DOCK1: variants seen among roughly 807,000 people sequenced by gnomAD.
DOCK1 encodes dedicator of cytokinesis 1.
Under a neutral mutation model 262.7 loss-of-function variants are expected in DOCK1, and 138 were observed. That is an observed-to-expected ratio of 0.53 (90% CI 0.46 to 0.61). The LOEUF (loss-of-function observed/expected upper bound fraction) is 0.61. Among genes scored for constraint, DOCK1 ranks in the 20% least tolerant of loss-of-function variants. DOCK1 has a pLI of 0.00. For missense variants in DOCK1, 1,908 were observed against 2,370.7 expected, an observed-to-expected ratio of 0.80 and a Z score of 4.05; for synonymous variants, 866 against 867.4, an observed-to-expected ratio of 1.00 and a Z score of 0.03.
chr10:127,348,849 G>A (rs2063758116), intron 31 of DOCK1, among the ~76,000 whole-genome samples: 1 of 152,108 alleles, frequency 6.6e-6, no homozygotes, highest in Admixed American at 6.5e-5. Flanking sequence ...GTTTTGCAGC[G>A]TGACCTAATC....
At chr10:127,023,457 C>T in intron 14 of DOCK1, 133 bp downstream of exon 14, 1 of 1,262,524 alleles carries the variant, frequency 7.9e-7, no homozygotes, top group Non-Finnish European at 1.1e-6. Context: ...GGCGTTGGTT[C>T]TTGTTTCCTT....
intron 29 of DOCK1, among the ~76,000 whole-genome samples, chr10:127,316,082 A>C (rs555903409): frequency 9.9e-5 from 15 of 152,204 alleles, no homozygotes; most frequent in Non-Finnish European, 2.1e-4. Context: ...GTGTTGATAC[A>C]CGTAGTGAAG....
At chr10:127,110,437 C>A in intron 25 of DOCK1, 83 bp downstream of exon 25, 1 of 1,266,218 alleles carries the variant, frequency 7.9e-7, no homozygotes, top group Admixed American at 2.0e-5. Flanking sequence ...CTCTTCTTGA[C>A]AAAAGGAGTA....
At chr10:127,208,328 T>G (rs1455968456) in intron 27 of DOCK1, among the ~76,000 whole-genome samples, 4 of 152,194 alleles carry the variant, frequency 2.6e-5, no homozygotes, top group Non-Finnish European at 5.9e-5. Flanking sequence ...GACAAGACAA[T>G]CCTGGACAGT....
intron 29 of DOCK1, among the ~76,000 whole-genome samples, chr10:127,284,397 AT>A (rs2061073834): frequency 6.6e-6 from 1 of 152,056 alleles, no homozygotes; most frequent in Admixed American, 6.6e-5. Flanking sequence ...TTTAGGTTTT[AT>A]TATTTTATAT....
intron 1 of DOCK1, among the ~76,000 whole-genome samples, chr10:126,937,375 A>G (rs1277322552): frequency 6.6e-6 from 1 of 152,182 alleles, no homozygotes; most frequent in Non-Finnish European, 1.5e-5. Flanking sequence ...TAGGTCATAT[A>G]GTAATTCTAT....
chr10:126,909,252 A>G (rs767914420), intron 1 of DOCK1, among the ~76,000 whole-genome samples: 5 of 152,148 alleles, frequency 3.3e-5, no homozygotes, highest in Admixed American at 6.5e-5. Context: ...CCCCTAGCTA[A>G]TGATCGGCAG....
At chr10:126,918,913 C>T (rs192243517) in intron 1 of DOCK1, among the ~76,000 whole-genome samples, 14 of 151,892 alleles carry the variant, frequency 9.2e-5, no homozygotes, top group South Asian at 4.2e-4. Context: ...CAGGTGGGCA[C>T]GGAGGATTTG....
chr10:126,950,371 T>C (rs993889478), intron 1 of DOCK1, among the ~76,000 whole-genome samples: 43 of 152,214 alleles, frequency 2.8e-4, no homozygotes, highest in Middle Eastern at 3.4e-3. Flanking sequence ...GTCTGGTCTG[T>C]GCTTGCCTGC....
At chr10:127,404,083 T>C (rs1023317036) in intron 39 of DOCK1, among the ~76,000 whole-genome samples, 5 of 152,194 alleles carry the variant, frequency 3.3e-5, no homozygotes, top group Non-Finnish European at 5.9e-5. Flanking sequence ...GAATTTGGGC[T>C]AGTTGGTTCA....
At position 127,400,556 on chromosome 10, in the gene DOCK1, G is replaced by A. The variant is rs149594583; in HGVS notation, c.3928-2499G>A. On this transcript the variant is annotated intron_variant, in intron 38 of 51. Coordinates refer to ENST00000623213, the MANE Select transcript of DOCK1 (RefSeq NM_001290223.2). ...GGGTCAAGCCCACCGCTTATCTGCT[G>A]TGTGTCCTTGGCAAGCTACTTACCA... 8.1e-4 allele frequency among the ~76,000 whole-genome samples: 124 copies of A among 152,364 alleles called. 2 individuals carry two copies. Among genetic ancestry groups the A allele is most frequent in the Middle Eastern group, 3.4e-3 (1 of 294 alleles).
chr10:127,272,121 G>C (rs753339129), intron 29 of DOCK1: 5 of 152,188 alleles, frequency 3.3e-5, no homozygotes, highest in Non-Finnish European at 5.9e-5. Flanking sequence ...TTCAGAGAAG[G>C]TTTTTACTTA....
intron 1 of DOCK1, among the ~76,000 whole-genome samples, chr10:126,964,577 C>T (rs1158239408): frequency 6.6e-6 from 1 of 152,242 alleles, no homozygotes; most frequent in Non-Finnish European, 1.5e-5. Context: ...GAAATGAGAA[C>T]ACAGAGCAAT....
chr10:127,027,299 TAAG>T (rs2042934665), intron 16 of DOCK1, among the ~76,000 whole-genome samples: 1 of 152,220 alleles, frequency 6.6e-6, no homozygotes, highest in African/African-American at 2.4e-5. Context: ...CATTTGAGGA[TAAG>T]AATACCTTTC....
intron 29 of DOCK1, among the ~76,000 whole-genome samples, chr10:127,336,742 T>C (rs937473093): frequency 5.9e-5 from 9 of 152,248 alleles, no homozygotes; most frequent in East Asian, 3.9e-4. Flanking sequence ...GGTTTCACTG[T>C]GTTAGCCAGG....
intron 48 of DOCK1, 92 bp from the exon 49 acceptor site, chr10:127,438,935 A>G (rs950661396): frequency 1.5e-6 from 2 of 1,306,622 alleles, no homozygotes; most frequent in African/African-American, 3.0e-5. Flanking sequence ...TTCATTGTAA[A>G]TGTCTTCGAT....
At chr10:127,137,391 T>C (rs1205441661) in intron 27 of DOCK1, 1 of 154,160 alleles carries the variant, frequency 6.5e-6, no homozygotes, top group African/African-American at 2.4e-5. Flanking sequence ...ATTTGCAAAA[T>C]GAAACATAAA....
chr10:127,204,270 T>G (rs1731107871), intron 27 of DOCK1, among the ~76,000 whole-genome samples: 1 of 152,188 alleles, frequency 6.6e-6, no homozygotes, highest in Non-Finnish European at 1.5e-5. Context: ...AGAAAGAAAC[T>G]TGAAAATCTG....
chr10:127,007,858 T>C (rs2041152191), intron 10 of DOCK1, among the ~76,000 whole-genome samples: 1 of 152,188 alleles, frequency 6.6e-6, no homozygotes, highest in African/African-American at 2.4e-5. Flanking sequence ...GGTAGGTTAC[T>C]GAGGATTTGC....
Sources: gnomAD v4.1 joint callset for allele counts (sites outside exome capture counted in the v4.1 genomes callset) on GRCh38, gnomAD v4.1.1 for gene constraint, MANE v1.5 for transcripts, NCBI Gene and HGNC (gene_info 2026-07-23, HGNC 2026-07-21) for gene names.